Variants in BAZ2B observed in about 807,000 individuals in gnomAD.
The protein encoded by BAZ2B is bromodomain adjacent to zinc finger domain protein 2B.
A neutral mutation model predicts 246.0 loss-of-function variants in BAZ2B; 91 were observed. The ratio of observed to expected loss-of-function variants is 0.37; its 90% confidence interval spans 0.31 to 0.44. The LOEUF (loss-of-function observed/expected upper bound fraction) is 0.44. Among genes scored for constraint, BAZ2B ranks in the 20% least tolerant of loss-of-function variants. The pLI is 1.00. For missense variants in BAZ2B, 2,332 were observed against 2,533.7 expected (o/e 0.92, Z 1.71); for synonymous variants, 855 against 860.0 (o/e 0.99, Z 0.10).
intron 2 of BAZ2B, among the ~76,000 whole-genome samples, chr2:159,523,680 A>G (rs544389623): frequency 1.3e-5 from 2 of 152,310 alleles, no homozygotes; most frequent in South Asian, 4.1e-4. Flanking sequence ...CCTGGGTGAC[A>G]GAGTGAGACT....
At chr2:159,591,150 C>T (rs1036333574) in intron 1 of BAZ2B, among the ~76,000 whole-genome samples, 1 of 152,136 alleles carries the variant, frequency 6.6e-6, no homozygotes, top group Non-Finnish European at 1.5e-5. Context: ...ATAAAAATCA[C>T]ATTATAAACA....
At chr2:159,497,337 T>A (rs149970814) in intron 2 of BAZ2B, among the ~76,000 whole-genome samples, 31 of 152,286 alleles carry the variant, frequency 2.0e-4, no homozygotes, top group African/African-American at 7.0e-4. Flanking sequence ...TCCACCTCCA[T>A]CCAGGAAGTA....
At chr2:159,409,711 AT>A (rs1459801283) in intron 14 of BAZ2B, among the ~76,000 whole-genome samples, 5 of 152,190 alleles carry the variant, frequency 3.3e-5, no homozygotes, top group Non-Finnish European at 7.4e-5. Flanking sequence ...AAACTGTTTC[AT>A]TTTTACTTTC....
chr2:159,487,641 A>G (rs994919784), intron 2 of BAZ2B, among the ~76,000 whole-genome samples: 1 of 152,056 alleles, frequency 6.6e-6, no homozygotes, highest in African/African-American at 2.4e-5. Flanking sequence ...TGAGTCAATC[A>G]CCTACTTGGG....
In BAZ2B at chr2:159,345,220, A is replaced by G. The variant is rs560328520; in HGVS notation, c.5454+2266T>C. Among the ~76,000 whole-genome samples, 98 of 152,258 alleles carry G rather than the reference A, an allele frequency of 6.4e-4. 1 individual carries two copies. Among genetic ancestry groups the G allele is most frequent in the African/African-American group, 1.9e-3 (79 of 41,530 alleles). On this transcript the variant is annotated intron_variant, in intron 31 of 36. Coordinates refer to ENST00000392783, the MANE Select transcript of BAZ2B (RefSeq NM_013450.4). ...AAGTGAAACTTGGTCTCAAAAAAAA[A>G]AAAAGAATACAAAATTATTGGTAGG...
intron 20 of BAZ2B, among the ~76,000 whole-genome samples, chr2:159,392,956 A>C (rs1436479251): frequency 6.6e-6 from 1 of 152,186 alleles, no homozygotes; most frequent in African/African-American, 2.4e-5. Flanking sequence ...ACATTTATTA[A>C]GAATATTTAA....
At chr2:159,434,903 T>C (rs930212148) in intron 8 of BAZ2B, 3 of 152,026 alleles carry the variant, frequency 2.0e-5, no homozygotes, top group African/African-American at 7.2e-5. Context: ...ATTTAACTAT[T>C]AGAATCCCCT....
chr2:159,612,049 C>T (rs1312230258), intron 1 of BAZ2B, among the ~76,000 whole-genome samples: 1 of 151,786 alleles, frequency 6.6e-6, no homozygotes, highest in Non-Finnish European at 1.5e-5. Context: ...ATAGCTGAAA[C>T]TATCAATAAA....
intron 2 of BAZ2B, among the ~76,000 whole-genome samples, chr2:159,481,455 AAAT>A (rs2079220169): frequency 6.6e-6 from 1 of 151,092 alleles, no homozygotes; most frequent in African/African-American, 2.4e-5. Context: ...AAACAAAATA[AAAT>A]AATATGCACC....
chr2:159,601,263 A>AACAAGCATT lies in BAZ2B; in HGVS notation c.-46+14970_-46+14978dup, dbSNP rs1692062579. ...AAACCCCTTCAACAACACTGAGGTA[A>AACAAGCATT]ACAAGCATTACCAGTTTCCCAAGCA... On this transcript the variant is annotated intron_variant, in intron 1 of 36. Transcript: ENST00000392783. 5.3e-5 allele frequency among the ~76,000 whole-genome samples: 8 copies of AACAAGCATT among 152,320 alleles called. No individual in the cohort carries two copies. In the South Asian group the frequency reaches 1.7e-3, roughly 32 times the overall value.
chr2:159,318,039 A>C (rs1038995494), downstream of BAZ2B, among the ~76,000 whole-genome samples: 3 of 152,138 alleles, frequency 2.0e-5, no homozygotes, highest in Admixed American at 2.0e-4. Context: ...TCACTCTCAA[A>C]AATTTTGGTG....
chr2:159,695,485 A>G, the BAZ2B span: 1 of 152,044 alleles, frequency 6.6e-6, no homozygotes, highest in East Asian at 1.9e-4. Context: ...TCACATTACA[A>G]TTTTTTCTAC....
At chr2:159,571,324 C>T (rs952363907) in intron 1 of BAZ2B, among the ~76,000 whole-genome samples, 1 of 151,896 alleles carries the variant, frequency 6.6e-6, no homozygotes, top group African/African-American at 2.4e-5. Flanking sequence ...GGAAGCTTAG[C>T]CATGAATCTA....
chr2:159,583,551 C>T (rs937597641), intron 1 of BAZ2B, among the ~76,000 whole-genome samples: 1 of 152,074 alleles, frequency 6.6e-6, no homozygotes. Flanking sequence ...ATAAGTAAAT[C>T]AATTATTATA....
At chr2:159,366,678 C>G (rs1479243116) in intron 27 of BAZ2B, among the ~76,000 whole-genome samples, 2 of 152,190 alleles carry the variant, frequency 1.3e-5, no homozygotes, top group Non-Finnish European at 2.9e-5. Context: ...GTATTGCTTC[C>G]TTGACATGAG....
chr2:159,680,284 C>T, the BAZ2B span, among the ~76,000 whole-genome samples: 2 of 152,140 alleles, frequency 1.3e-5, no homozygotes, highest in African/African-American at 2.4e-5. Context: ...TTATCCATTG[C>T]GTTAAGCTAA....
chr2:159,495,612 A>T (rs2081027984), intron 2 of BAZ2B, among the ~76,000 whole-genome samples: 1 of 151,672 alleles, frequency 6.6e-6, no homozygotes, highest in Non-Finnish European at 1.5e-5. Context: ...AATATATAGG[A>T]CATTATATAA....
intron 2 of BAZ2B, among the ~76,000 whole-genome samples, chr2:159,544,542 A>G (rs1426419569): frequency 7.9e-5 from 12 of 152,218 alleles, no homozygotes; most frequent in Admixed American, 7.9e-4. Context: ...TTCAAGTTTG[A>G]ACAGGTTGAA....
chr2:159,344,027 C>CAA (rs70994297), intron 31 of BAZ2B, among the ~76,000 whole-genome samples: 5 of 96,906 alleles, frequency 5.2e-5, no homozygotes, highest in South Asian at 3.5e-4. Context: ...GACTCCATCT[C>CAA]AAAAAAAAAA....
Sources: allele counts gnomAD v4.1 joint callset (sites outside exome capture counted in the v4.1 genomes callset), GRCh38; gene constraint gnomAD v4.1.1; transcripts MANE v1.5; gene names NCBI Gene and HGNC (gene_info 2026-07-23, HGNC 2026-07-21).